PSD4: variants seen among roughly 807,000 people sequenced by gnomAD.
PSD4 encodes the protein PH and SEC7 domain-containing protein 4.
PSD4 carries 59 observed loss-of-function variants against 112.5 expected under a neutral mutation model. The ratio of observed to expected loss-of-function variants is 0.52; its 90% CI spans 0.43 to 0.65. PSD4 has a LOEUF of 0.65. Among genes scored for constraint, PSD4 ranks in the 30% least tolerant of loss-of-function variants. PSD4 has a pLI of 0.00. For missense variants in PSD4, 1,267 were observed against 1,352.6 expected (o/e 0.94, Z 0.99); for synonymous variants, 533 against 540.0 (o/e 0.99, Z 0.18).
At chr2:113,196,397 GACA>G (rs10579377) in intron 12 of PSD4, 90 bp downstream of exon 12, 701,274 of 1,471,800 alleles carry the variant, frequency 0.48, 171,398 homozygotes, top group East Asian at 0.64. Flanking sequence ...TGTGCAGAGA[GACA>G]GCCCGCGTTG....
chr2:113,188,397 C>T (rs1688358055), intron 5 of PSD4, among the ~76,000 whole-genome samples: 1 of 151,950 alleles, frequency 6.6e-6, no homozygotes. Context: ...GCGTGTGCCA[C>T]CATGCCTGGC....
At chr2:113,186,420 T>C (rs1452966819) in intron 5 of PSD4, among the ~76,000 whole-genome samples, 165 bp downstream of exon 5, 1 of 152,184 alleles carries the variant, frequency 6.6e-6, no homozygotes, top group Admixed American at 6.5e-5. Context: ...AGAAAGACCG[T>C]AAGATTCAGA....
At chr2:113,174,260 C>A (rs377164409) in intron 1 of PSD4, among the ~76,000 whole-genome samples, 204 of 152,276 alleles carry the variant, frequency 1.3e-3, no homozygotes, top group African/African-American at 4.4e-3. Flanking sequence ...GTCCCGTCCC[C>A]CTCCTCCCTC....
At position 113,196,289 on chromosome 2, in the gene PSD4, G is replaced by T; in HGVS notation, c.2368G>T (p.Asp790Tyr). 6.2e-7 allele frequency: 1 copy of T among 1,613,526 alleles called. No homozygotes were observed. The highest frequency in any genetic ancestry group is 2.2e-5 in the East Asian group (1 of 44,850). Reference sequence around the variant, plus strand: ...CATCCTGGCTCGGAAAATGCATCAAGATGCAGACGGCAAGAAGAGTGAGTG... The same window carrying T: ...CATCCTGGCTCGGAAAATGCATCAATATGCAGACGGCAAGAAGAGTGAGTG... Reference protein sequence around the residue: ...QGILARKMHQDADGKKTPWGK... With the variant: ...QGILARKMHQYADGKKTPWGK... The change falls in exon 12 of 17, where the codon GAT becomes TAT. Residue 790 changes from aspartate (D) to tyrosine (Y), a missense_variant. By Grantham distance (160) the Asp-to-Tyr change is radical. Coordinates refer to ENST00000245796, the MANE Select transcript of PSD4 (RefSeq NM_012455.3).
intron 11 of PSD4, 110 bp from the exon 12 acceptor site, chr2:113,196,037 G>A: frequency 2.9e-6 from 4 of 1,389,316 alleles, no homozygotes; most frequent in Non-Finnish European, 4.0e-6. Flanking sequence ...GGGGGTCCTG[G>A]GGTGTGGCTT....
In PSD4 at chr2:113,185,935, C is replaced by T. The variant is rs1688287491; in HGVS notation, c.1308C>T (p.Pro436=). 1 of 1,613,830 alleles carries T rather than the reference C, an allele frequency of 6.2e-7. No individual in the cohort carries two copies. The highest frequency in any genetic ancestry group is 2.2e-5 in the East Asian group (1 of 44,896). The change falls in exon 5 of 17, where the codon CCC becomes CCT. Residue 436 remains proline (P), a synonymous_variant. Transcript: ENST00000245796. The stretch of plus-strand genomic sequence containing the variant: ...TTCCCTGCACCTTGGCCCCCTGCCC[C>T]TGGAGGAGCCCAGCTTCTTCTCCAG... ...ESLPCTLAPC[P]WRSPASSPEP...
chr2:113,194,026 G>T, intron 10 of PSD4, 78 bp downstream of exon 10: 2 of 1,426,622 alleles, frequency 1.4e-6, no homozygotes, highest in East Asian at 2.3e-5. Flanking sequence ...GAGATGCTGA[G>T]CTTGGGACTG....
At chr2:113,183,729 G>A (rs45473293) in intron 2 of PSD4, among the ~76,000 whole-genome samples, 7,278 of 152,250 alleles carry the variant, frequency 0.048, 216 homozygotes, top group Middle Eastern at 0.11. Flanking sequence ...GTCAGCTGAT[G>A]TCAGCTGATA....
chr2:113,184,583 G>A (rs1688239637), intron 2 of PSD4, among the ~76,000 whole-genome samples: 1 of 152,104 alleles, frequency 6.6e-6, no homozygotes, highest in East Asian at 1.9e-4. Context: ...ATGTTGGCCA[G>A]GCTGGTCTTG....
At chr2:113,200,987 C>T (rs1199148317) in intron 16 of PSD4, among the ~76,000 whole-genome samples, 171 bp from the exon 17 acceptor site, 4 of 152,190 alleles carry the variant, frequency 2.6e-5, no homozygotes, top group Non-Finnish European at 5.9e-5. Flanking sequence ...GTGTGCTCTG[C>T]AGTCTGCTTA....
At chr2:113,199,864 C>T (rs1168486482) in intron 16 of PSD4, among the ~76,000 whole-genome samples, 1 of 152,192 alleles carries the variant, frequency 6.6e-6, no homozygotes, top group Non-Finnish European at 1.5e-5. Context: ...CTCGCTCTGT[C>T]GCCCAGGCTG....
chr2:113,195,867 G>A (rs1688593570), intron 11 of PSD4, 97 bp downstream of exon 11: 2 of 1,516,040 alleles, frequency 1.3e-6, no homozygotes, highest in Non-Finnish European at 1.8e-6. Flanking sequence ...GAGAAACTCA[G>A]ATAGTGCTCC....
At position 113,201,605 on chromosome 2, in the gene PSD4, C is replaced by A; in HGVS notation, c.*190C>A. Reference sequence around the variant, plus strand: ...CTGAAGCTTTCCTAATATTGCTGTGCTCCCCACCACCCCCATGGCAGTCCC... The same window carrying A: ...CTGAAGCTTTCCTAATATTGCTGTGATCCCCACCACCCCCATGGCAGTCCC... On this transcript the variant is annotated 3_prime_UTR_variant, in exon 17 of 17. Transcript: ENST00000245796. 1.3e-6 allele frequency: 1 copy of A among 787,996 alleles called. No individual in the cohort carries two copies. The highest frequency in any genetic ancestry group is 2.0e-6 in the Non-Finnish European group (1 of 507,782). The allele number at this position is 787,996 out of a possible 1,614,324, so 48.8% of individuals were successfully genotyped here.
At chr2:113,187,894 C>A (rs1335392560) in intron 5 of PSD4, among the ~76,000 whole-genome samples, 1 of 152,098 alleles carries the variant, frequency 6.6e-6, no homozygotes, top group East Asian at 1.9e-4. Flanking sequence ...AGGAGAAGCA[C>A]AACAGAAGCT....
In PSD4 at chr2:113,199,158, C is replaced by T; in HGVS notation, c.2845C>T (p.Pro949Ser). Residue 949 changes from proline (P) to serine (S), a missense_variant, in exon 16 of 17, where the codon CCG becomes TCG. Pro to Ser is a moderately conservative substitution (Grantham distance 74). Transcript: ENST00000245796. Reference protein sequence around the residue: ...DDLLDLQRNLPERRGRGRELE... With the variant: ...DDLLDLQRNLSERRGRGRELE... ...CCTGCTGGATCTACAGAGGAACCTG[C>T]CGGAGCGGCGGGGCCGTGGCCGCGA... 1 of 1,528,452 alleles carries T rather than the reference C, an allele frequency of 6.5e-7. No individual in the cohort carries two copies. 94.7% of individuals were successfully genotyped at this position (1,528,452 alleles called of 1,614,324 possible). A position where few individuals can be genotyped will look rare whatever the true frequency, so the allele number is the denominator to read the frequency against.
intron 12 of PSD4, 53 bp downstream of exon 12, chr2:113,196,360 A>T: frequency 6.4e-7 from 1 of 1,572,440 alleles, no homozygotes; most frequent in Admixed American, 1.8e-5. Context: ...AGCCCTGCTC[A>T]GGGACCTGTG....
At chr2:113,176,254 G>T (rs1237037447) in intron 1 of PSD4, among the ~76,000 whole-genome samples, 1 of 152,186 alleles carries the variant, frequency 6.6e-6, no homozygotes, top group African/African-American at 2.4e-5. Context: ...GTGTCAGCTG[G>T]GTTCCTTCCT....
chr2:113,196,486 A>G, intron 12 of PSD4, 179 bp downstream of exon 12: 1 of 770,158 alleles, frequency 1.3e-6, no homozygotes, highest in Non-Finnish European at 2.0e-6. Flanking sequence ...TGTGTGAGGC[A>G]CTAGAGGGTA....
At chr2:113,188,545 G>A (rs1222080450) in intron 5 of PSD4, among the ~76,000 whole-genome samples, 1 of 151,740 alleles carries the variant, frequency 6.6e-6, no homozygotes, top group African/African-American at 2.4e-5. Flanking sequence ...GGCCTGAGCC[G>A]CTGTGCCTGA....
Sources: allele counts gnomAD v4.1 joint callset (sites outside exome capture counted in the v4.1 genomes callset), GRCh38; gene constraint gnomAD v4.1.1; transcripts MANE v1.5; gene names NCBI Gene and HGNC (gene_info 2026-07-23, HGNC 2026-07-21).